The following KLHDC10 variants were observed in gnomAD, a reference collection of about 807,000 sequenced individuals.
KLHDC10 encodes kelch domain-containing protein 10.
Under a neutral mutation model 56.1 loss-of-function variants are expected in KLHDC10, and 24 were observed. That is an observed-to-expected ratio of 0.43 (90% CI 0.31 to 0.60). KLHDC10 has a LOEUF of 0.60. Ranked by LOEUF, KLHDC10 falls within the 20% of genes least tolerant of loss-of-function variation. KLHDC10 has a pLI of 0.11. For synonymous variants in KLHDC10, 188 were observed against 207.1 expected (o/e 0.91, Z 0.79); for missense variants, 349 against 567.0 (o/e 0.62, Z 3.91).
At chr7:130,128,919 T>TATATATATAC (rs1292651924) in intron 8 of KLHDC10, among the ~76,000 whole-genome samples, 32 of 115,704 alleles carry the variant, frequency 2.8e-4, no homozygotes, top group Middle Eastern at 4.3e-3. Context: ...TATATATATA[T>TATATATATAC]ACATACTAGC....
At chr7:130,102,005 A>G (rs1320107764) in intron 2 of KLHDC10, among the ~76,000 whole-genome samples, 1 of 150,510 alleles carries the variant, frequency 6.6e-6, no homozygotes, top group Non-Finnish European at 1.5e-5. Context: ...GACTGGAGGA[A>G]GAGTGCACAA....
At chr7:130,082,326 A>G (rs1390301918) in intron 1 of KLHDC10, among the ~76,000 whole-genome samples, 3 of 152,220 alleles carry the variant, frequency 2.0e-5, no homozygotes, top group African/African-American at 2.4e-5. Context: ...GCTGCCTCAA[A>G]AAAACCCCCA....
chr7:130,118,496 CAAT>C (rs747056243), intron 3 of KLHDC10, among the ~76,000 whole-genome samples: 40 of 152,340 alleles, frequency 2.6e-4, no homozygotes, highest in Admixed American at 7.8e-4. Flanking sequence ...TGCATATCAG[CAAT>C]AAGGCTGTTT....
At chr7:130,075,145 A>G (rs558258016) in intron 1 of KLHDC10, among the ~76,000 whole-genome samples, 2 of 152,298 alleles carry the variant, frequency 1.3e-5, no homozygotes, top group South Asian at 2.1e-4. Flanking sequence ...TGCTTTTTGT[A>G]GAATAAGTAT....
chr7:130,118,867 A>G (rs1796207414), intron 3 of KLHDC10, among the ~76,000 whole-genome samples: 1 of 152,166 alleles, frequency 6.6e-6, no homozygotes, highest in Non-Finnish European at 1.5e-5. Flanking sequence ...TCACTGTTTT[A>G]TATGGGCGTG....
chr7:130,128,919 T>TATATATATATATATACAC lies in KLHDC10; in HGVS notation c.980-517_980-516insTATATATATATATACACA, dbSNP rs1292651924. ...ATATATATATATATATATATATATATACATACTAGCCAAAACTTAAAAATC... is the reference window on the plus strand; with the variant it reads ...ATATATATATATATATATATATATATATATATATATATATACACACATACTAGCCAAAACTTAAAAATC... On this transcript the variant is annotated intron_variant, in intron 8 of 9. Coordinates refer to ENST00000335420, the MANE Select transcript of KLHDC10 (RefSeq NM_014997.4). Among the ~76,000 whole-genome samples, 186 of 115,604 alleles carry TATATATATATATATACAC rather than the reference T, an allele frequency of 1.6e-3. 1 individual carries two copies. Among genetic ancestry groups the TATATATATATATATACAC allele is most frequent in the African/African-American group, 6.1e-3 (174 of 28,470 alleles). The allele number at this position is 115,604 out of a possible 152,430, so 75.8% of individuals were successfully genotyped here. A position where few individuals can be genotyped will look rare whatever the true frequency, so the allele number is the denominator to read the frequency against.
chr7:130,122,100 C>A lies in KLHDC10; in HGVS notation c.677C>A (p.Thr226Asn). 2 of 1,613,926 alleles carry A rather than the reference C, an allele frequency of 1.2e-6. No individual in the cohort carries two copies. Among genetic ancestry groups the A allele is most frequent in the Non-Finnish European group, 1.7e-6 (2 of 1,179,910 alleles). ...NGSLYVFGGT[T>N]GYIYSTDLHK... is the part of the protein sequence containing the mutation. ...TCCCTTTATGTCTTTGGAGGTACAA[C>A]CGGCTATATTTACAGCACAGACCTG... Residue 226 changes from threonine (T) to asparagine (N), a missense_variant, in exon 5 of 10, where the codon ACC becomes AAC. By Grantham distance (65) the Thr-to-Asn change is moderately conservative (BLOSUM62 0). Transcript: ENST00000335420.
chr7:130,078,110 G>A (rs1182389516), intron 1 of KLHDC10, among the ~76,000 whole-genome samples: 2 of 150,112 alleles, frequency 1.3e-5, no homozygotes, highest in Admixed American at 6.6e-5. Flanking sequence ...GCTCATGCCT[G>A]TAATCCCAGC....
chr7:130,097,451 C>T (rs1043170239), intron 2 of KLHDC10, among the ~76,000 whole-genome samples: 1 of 151,722 alleles, frequency 6.6e-6, no homozygotes, highest in Non-Finnish European at 1.5e-5. Context: ...TATTTGTTAA[C>T]AAAGGGGTAA....
chr7:130,101,986 A>AG (rs1432552599), intron 2 of KLHDC10, among the ~76,000 whole-genome samples: 2 of 150,806 alleles, frequency 1.3e-5, no homozygotes, highest in Admixed American at 1.3e-4. Flanking sequence ...AAAAAAAAAA[A>AG]AAAAAAAAGA....
At position 130,120,662 on chromosome 7, in the gene KLHDC10, G is replaced by A; in HGVS notation, c.476-87G>A. The A allele has an allele frequency of 7.2e-7, 1 of 1,397,396 alleles. No homozygotes were observed. The allele number at this position is 1,397,396 out of a possible 1,614,324, so 86.6% of individuals were successfully genotyped here. A position where few individuals can be genotyped will look rare whatever the true frequency, so the allele number is the denominator to read the frequency against. On this transcript the variant is annotated intron_variant, in intron 3 of 9. Transcript: ENST00000335420. This position sits in a 1 kb window ranked among gnomAD's most constrained non-coding sequence, Gnocchi z 5.1. ...CTTATGAGATCATTAAAGCAGATAT[G>A]TGTAGCTTCTCAGATATTCTGGGTT...
chr7:130,108,681 C>A (rs1264211371), intron 2 of KLHDC10, among the ~76,000 whole-genome samples: 1 of 146,394 alleles, frequency 6.8e-6, no homozygotes, highest in African/African-American at 2.5e-5. Context: ...AAGATTGAGT[C>A]ATTGCACTCC....
At position 130,130,112 on chromosome 7, in the gene KLHDC10, T is replaced by C. The variant is rs1014572239; in HGVS notation, c.1120-425T>C. Among the ~76,000 whole-genome samples, 11 of 151,998 alleles carry C rather than the reference T, an allele frequency of 7.2e-5. No homozygotes were observed. Among genetic ancestry groups the C allele is most frequent in the East Asian group, 3.9e-4 (2 of 5,164 alleles). ...TGGGCGGATCACGAGGTCAGGAGAT[T>C]GAGACCATCCTGGCTAACACGGATG... On this transcript the variant is annotated intron_variant, in intron 9 of 9. Transcript: ENST00000335420. This position sits in a 1 kb window ranked among gnomAD's most constrained non-coding sequence, Gnocchi z 4.2.
intron 6 of KLHDC10, among the ~76,000 whole-genome samples, chr7:130,125,298 T>A (rs899545900): frequency 6.6e-6 from 1 of 152,162 alleles, no homozygotes; most frequent in African/African-American, 2.4e-5. Context: ...TCCCAGCCCT[T>A]TGGGAGGCCG....
At chr7:130,115,160 G>T (rs555477758) in intron 2 of KLHDC10, among the ~76,000 whole-genome samples, 2 of 152,114 alleles carry the variant, frequency 1.3e-5, no homozygotes, top group African/African-American at 4.8e-5. Flanking sequence ...TGTATAACAT[G>T]TTTATTAGGT....
intron 1 of KLHDC10, among the ~76,000 whole-genome samples, chr7:130,076,371 G>A (rs1194656743): frequency 1.3e-5 from 2 of 152,132 alleles, no homozygotes; most frequent in East Asian, 3.9e-4. Context: ...CTTAGCCATT[G>A]ACACGTTGCA....
chr7:130,122,903 A>G (rs557839814), intron 5 of KLHDC10, among the ~76,000 whole-genome samples: 2 of 152,320 alleles, frequency 1.3e-5, no homozygotes, highest in African/African-American at 2.4e-5. Flanking sequence ...TCTCACAGAC[A>G]TATCTTCAAT....
At chr7:130,123,092 C>T (rs1796271988) in intron 5 of KLHDC10, among the ~76,000 whole-genome samples, 2 of 152,278 alleles carry the variant, frequency 1.3e-5, no homozygotes, top group Admixed American at 6.5e-5. Flanking sequence ...GTTAAACACT[C>T]AAACATCGCA....
intron 1 of KLHDC10, among the ~76,000 whole-genome samples, chr7:130,094,673 G>C (rs1795824925): frequency 6.6e-6 from 1 of 151,756 alleles, no homozygotes; most frequent in African/African-American, 2.4e-5. Context: ...TTTTTCATTT[G>C]CAATATATTG....
Sources: gnomAD v4.1 joint callset for allele counts (sites outside exome capture counted in the v4.1 genomes callset) on GRCh38, gnomAD v4.1.1 for gene constraint, Gnocchi (gnomAD v3.1) non-coding constraint, MANE v1.5 for transcripts, NCBI Gene and HGNC (gene_info 2026-07-23, HGNC 2026-07-21) for gene names.